The following UFM1 variants were observed in gnomAD, a reference collection of about 807,000 sequenced individuals.
UFM1 encodes ubiquitin-fold modifier 1.
UFM1 carries 9 observed loss-of-function variants against 15.4 expected under a neutral mutation model. That is an observed-to-expected ratio of 0.59 (90% confidence interval 0.35 to 1.02). The LOEUF is 1.02. UFM1 is among the 50% of genes least tolerant of loss of function. The pLI, the probability that UFM1 is intolerant of heterozygous loss-of-function variation, is 0.02. For synonymous variants in UFM1, 27 were observed against 36.3 expected (o/e 0.74, Z 0.92); for missense variants, 98 against 104.7 (o/e 0.94, Z 0.28).
In UFM1 at chr13:38,361,748, C is replaced by G. The variant is rs1191634442; in HGVS notation, c.*970C>G. 1.3e-5 allele frequency: 2 copies of G among 152,260 alleles called. No homozygotes were observed. Among genetic ancestry groups the G allele is most frequent in the Non-Finnish European group, 2.9e-5 (2 of 68,102 alleles). 9.4% of individuals were successfully genotyped at this position (152,260 alleles called of 1,614,324 possible). On this transcript the variant is annotated 3_prime_UTR_variant, in exon 6 of 6. Transcript: ENST00000239878. ...AAAGGAAAGATGGGGAAGCCCAGATCACCAGGCTTCTATTAAGGAGGAAAG... is the reference window on the plus strand; with the variant it reads ...AAAGGAAAGATGGGGAAGCCCAGATGACCAGGCTTCTATTAAGGAGGAAAG...
intron 2 of UFM1, among the ~76,000 whole-genome samples, chr13:38,350,971 G>T (rs1241847948): frequency 2.0e-5 from 3 of 152,116 alleles, no homozygotes; most frequent in Non-Finnish European, 4.4e-5. Context: ...CTCCATCTCT[G>T]AGATGTCGTT....
chr13:38,360,977 G>C lies in UFM1; in HGVS notation c.*199G>C, dbSNP rs576164039. 29 of 425,680 alleles carry C rather than the reference G, an allele frequency of 6.8e-5. No individual in the cohort carries two copies. Among genetic ancestry groups the C allele is most frequent in the Non-Finnish European group, 1.1e-4 (27 of 239,232 alleles). The allele number at this position is 425,680 out of a possible 1,614,324, so 26.4% of individuals were successfully genotyped here. Reference sequence around the variant, plus strand: ...ATGCGTATGAATTAAGGCTACTACTGTCACAGAAGATCATAGTCTTTGATG... The same window carrying C: ...ATGCGTATGAATTAAGGCTACTACTCTCACAGAAGATCATAGTCTTTGATG... On this transcript the variant is annotated 3_prime_UTR_variant, in exon 6 of 6. Transcript: ENST00000239878.
Position 38,363,254 on chromosome 13 carries a change from A to G in UFM1, c.*2476A>G, listed in dbSNP as rs1025569079. On this transcript the variant is annotated 3_prime_UTR_variant, in exon 6 of 6. Transcript: ENST00000239878. ...ATGTTTGGATACACAAGTACTTACC[A>G]TCATTTTACAGTTGTTTACAGTATT... 1 of 152,206 alleles carries G rather than the reference A, an allele frequency of 6.6e-6. No homozygotes were observed. Among genetic ancestry groups the G allele is most frequent in the Non-Finnish European group, 1.5e-5 (1 of 68,032 alleles). 9.4% of individuals were successfully genotyped at this position (152,206 alleles called of 1,614,324 possible).
chr13:38,354,241 T>G lies in UFM1; in HGVS notation c.62T>G (p.Leu21Arg), dbSNP rs561098451. 3.7e-6 allele frequency: 6 copies of G among 1,609,400 alleles called. No homozygotes were observed. The African/African-American group carries it at 8.0e-5, about 21-fold the overall frequency. Residue 21 changes from leucine (L) to arginine (R), a missense_variant and splice_region_variant, in exon 3 of 6, where the codon CTC becomes CGC. Leu to Arg is a moderately radical substitution (Grantham distance 102, BLOSUM62 -2). Transcript: ENST00000239878. ...CTGTTTTAAAATTCTTCTTGCAGAC[T>G]CAGTGTTCCTGAAAGTACACCTTTC... is the stretch of plus-strand genomic sequence containing the variant. Reference protein sequence around the residue: ...TSDPRLPYKVLSVPESTPFTA... With the variant: ...TSDPRLPYKVRSVPESTPFTA...
intron 5 of UFM1, 110 bp downstream of exon 5, chr13:38,359,443 T>G (rs932640450): frequency 8.1e-7 from 1 of 1,229,778 alleles, no homozygotes; most frequent in Non-Finnish European, 1.2e-6. Context: ...ATAATGGAGC[T>G]GTTTTTTAGG....
chr13:38,354,142 T>C, intron 2 of UFM1, 97 bp from the exon 3 acceptor site: 1 of 1,062,034 alleles, frequency 9.4e-7, no homozygotes, highest in Non-Finnish European at 1.4e-6. Flanking sequence ...AAAGACAGCT[T>C]TGTCCAGATT....
chr13:38,358,114 A>G lies in UFM1; in HGVS notation c.139A>G (p.Ser47Gly). ...AEEFKVPAAT[S>G]AIITNDGIGI... ...TTAGTTTAAAGTTCCTGCTGCAACA[A>G]GTGCAATTATTACCAATGGTAAGAA... Residue 47 changes from serine to glycine, a missense_variant, in exon 4 of 6, where the codon AGT becomes GGT. Coordinates refer to ENST00000239878, the MANE Select transcript of UFM1 (RefSeq NM_016617.4). The G allele has an allele frequency of 6.9e-7, 1 of 1,454,924 alleles. No individual in the cohort carries two copies. Among genetic ancestry groups the G allele is most frequent in the Non-Finnish European group, 9.2e-7 (1 of 1,086,442 alleles). 90.1% of individuals were successfully genotyped at this position (1,454,924 alleles called of 1,614,324 possible).
Position 38,360,874 on chromosome 13 carries a change from A to T in UFM1, c.*96A>T. ...AATCAGGCATTTAACATACTATGAA[A>T]ACACCAGGAGTCAATGATTAATGAA... On this transcript the variant is annotated 3_prime_UTR_variant, in exon 6 of 6. Coordinates refer to ENST00000239878, the MANE Select transcript of UFM1 (RefSeq NM_016617.4). The T allele has an allele frequency of 1.0e-6, 1 of 985,310 alleles. No individual in the cohort carries two copies. The highest frequency in any genetic ancestry group is 2.5e-5 in the East Asian group (1 of 40,476). The allele number at this position is 985,310 out of a possible 1,614,324, so 61.0% of individuals were successfully genotyped here. A position where few individuals can be genotyped will look rare whatever the true frequency, so the allele number is the denominator to read the frequency against.
chr13:38,360,036 C>T, intron 5 of UFM1: 1 of 387,392 alleles, frequency 2.6e-6, no homozygotes, highest in Admixed American at 3.0e-5. Context: ...ATGTTGTTTT[C>T]ACAGGCCTTG....
chr13:38,358,208 T>G lies in UFM1; in HGVS notation c.157+76T>G, dbSNP rs981334565. The G allele has an allele frequency of 8.3e-6, 8 of 960,086 alleles. No homozygotes were observed. The African/African-American group carries it at 1.2e-4, about 15-fold the overall frequency. The allele number at this position is 960,086 out of a possible 1,614,324, so 59.5% of individuals were successfully genotyped here. A position where few individuals can be genotyped will look rare whatever the true frequency, so the allele number is the denominator to read the frequency against. ...GTAAAAGGAACCAAATTAATTAAAA[T>G]TAAATACAAAAAGCCCCAAGTATAT... On this transcript the variant is annotated intron_variant, in intron 4 of 5. Transcript: ENST00000239878.
intron 2 of UFM1, among the ~76,000 whole-genome samples, chr13:38,351,367 A>G (rs1878841755): frequency 6.6e-6 from 1 of 152,176 alleles, no homozygotes. Context: ...AAGTTTGCTC[A>G]TTTTCCTCCT....
intron 2 of UFM1, 149 bp downstream of exon 2, chr13:38,350,204 T>TCCCACCGGAGCCTGC: frequency 6.2e-7 from 1 of 1,612,776 alleles, no homozygotes; most frequent in Non-Finnish European, 8.5e-7. Flanking sequence ...CAGGAGCCTT[T>TCCCACCGGAGCCTGC]CCCACCGGAG....
In UFM1 at chr13:38,350,067, G is replaced by A; in HGVS notation, c.59+12G>A. ...CTGCCGTACAAAGTGTGAGTAGCTC[G>A]GCCGAGATGGGCCTTTTGGGGCCGG... On this transcript the variant is annotated intron_variant, in intron 2 of 5. Transcript: ENST00000239878. 6.2e-7 allele frequency: 1 copy of A among 1,614,206 alleles called. No homozygotes were observed.
chr13:38,358,352 C>T (rs1879216897), intron 4 of UFM1, among the ~76,000 whole-genome samples: 1 of 150,684 alleles, frequency 6.6e-6, no homozygotes, highest in African/African-American at 2.4e-5. Flanking sequence ...TTTATAATAT[C>T]TTTTGTCCTT....
Position 38,360,830 on chromosome 13 carries a change from T to C in UFM1, c.*52T>C. 6.8e-7 allele frequency: 1 copy of C among 1,472,536 alleles called. No homozygotes were observed. The highest frequency in any genetic ancestry group is 9.4e-7 in the Non-Finnish European group (1 of 1,060,470). 91.2% of individuals were successfully genotyped at this position (1,472,536 alleles called of 1,614,324 possible). A position where few individuals can be genotyped will look rare whatever the true frequency, so the allele number is the denominator to read the frequency against. ...CCTTTCAGAATAAATATTGGTATTT[T>C]TTGTTGTTGTAAAATTGAAATCAGG... On this transcript the variant is annotated 3_prime_UTR_variant, in exon 6 of 6. Transcript: ENST00000239878.
intron 2 of UFM1, among the ~76,000 whole-genome samples, chr13:38,351,257 C>G (rs1878837541): frequency 6.6e-6 from 1 of 152,202 alleles, no homozygotes; most frequent in South Asian, 2.1e-4. Flanking sequence ...TTTGTATTAT[C>G]TGTACATAGC....
chr13:38,354,520 G>A (rs372162320), intron 3 of UFM1: 1 of 370,216 alleles, frequency 2.7e-6, no homozygotes, highest in African/African-American at 2.1e-5. Flanking sequence ...AAAATTATAA[G>A]AATTTAATGA....
intron 2 of UFM1, 64 bp downstream of exon 2, chr13:38,350,119 T>C: frequency 6.2e-7 from 1 of 1,614,188 alleles, no homozygotes; most frequent in South Asian, 1.1e-5. Context: ...TTGGGGATGA[T>C]CCGAGCTTTT....
At chr13:38,357,970 G>C (rs1879186373) in intron 3 of UFM1, 123 bp from the exon 4 acceptor site, 2 of 434,220 alleles carry the variant, frequency 4.6e-6, no homozygotes, top group African/African-American at 4.2e-5. Context: ...TATTCTAAAA[G>C]ATTAATCCTA....
Sources: gnomAD v4.1 joint callset for allele counts (sites outside exome capture counted in the v4.1 genomes callset) on GRCh38, gnomAD v4.1.1 for gene constraint, MANE v1.5 for transcripts, NCBI Gene and HGNC (gene_info 2026-07-23, HGNC 2026-07-21) for gene names.